Variants in DEFB121 observed in about 807,000 individuals in gnomAD.
DEFB121 encodes defensin beta 121.
DEFB121 carries 5 observed loss-of-function variants against 2.5 expected under a neutral mutation model. That is an observed-to-expected ratio of 1.96 (90% CI 1.03 to 4.13). The LOEUF is 4.13. Among genes scored for constraint, DEFB121 ranks in the 30% most tolerant of loss-of-function variants. DEFB121 has a pLI of 0.00. For missense variants in DEFB121, 87 were observed against 85.0 expected (o/e 1.02, Z -0.09); for synonymous variants, 39 against 32.6 (o/e 1.20, Z -0.67).
exon 1 of DEFB121, chr20:31,412,726 G>A: frequency 3.2e-6 from 4 of 1,234,788 alleles, no homozygotes; most frequent in Admixed American, 2.3e-5. Flanking sequence ...AGGGACATTA[G>A]GATTGGCAGT....
chr20:31,405,200 G>A (rs1055812562), intron 1 of DEFB121, 115 bp from the exon 2 acceptor site: 4 of 993,886 alleles, frequency 4.0e-6, no homozygotes, highest in African/African-American at 3.3e-5. Flanking sequence ...GAGGTCTGTG[G>A]GGAAGAAGCT....
At chr20:31,416,152 T>C (rs141587821), upstream of DEFB121, among the ~76,000 whole-genome samples, 272 of 152,170 alleles carry the variant, frequency 1.8e-3, 5 homozygotes, top group East Asian at 0.047. Context: ...TCTCCACCTC[T>C]GGGGTTCAAG....
upstream of DEFB121, among the ~76,000 whole-genome samples, chr20:31,407,764 G>T (rs559495541): frequency 6.6e-6 from 1 of 152,232 alleles, no homozygotes; most frequent in African/African-American, 2.4e-5. Context: ...TAATGGTAAG[G>T]TCTATCTTTC....
upstream of DEFB121, among the ~76,000 whole-genome samples, chr20:31,415,247 C>CT (rs774007321): frequency 0.082 from 11,512 of 141,038 alleles, 1,156 homozygotes; most frequent in African/African-American, 0.24. Context: ...ATGTACAGTC[C>CT]TTTTTTTTTT....
At chr20:31,417,068 G>A (rs60562029), upstream of DEFB121, among the ~76,000 whole-genome samples, 35,183 of 152,006 alleles carry the variant, frequency 0.23, 4,849 homozygotes, top group African/African-American at 0.36. Flanking sequence ...AAAGAAGGCC[G>A]GGCGCAATGG....
upstream of DEFB121, among the ~76,000 whole-genome samples, chr20:31,410,128 A>G (rs546972962): frequency 8.1e-4 from 124 of 152,372 alleles, no homozygotes; most frequent in African/African-American, 2.8e-3. Flanking sequence ...ACCACTTAAA[A>G]TATATACACA....
chr20:31,416,251 G>C (rs1978801961), upstream of DEFB121, among the ~76,000 whole-genome samples: 1 of 152,090 alleles, frequency 6.6e-6, no homozygotes, highest in South Asian at 2.1e-4. Flanking sequence ...AGTAGAGATG[G>C]GGTTCCACCA....
chr20:31,417,890 GAGA>G, the DEFB121 span, among the ~76,000 whole-genome samples: 20 of 152,168 alleles, frequency 1.3e-4, no homozygotes, highest in African/African-American at 4.3e-4. Context: ...TTGAACCCAG[GAGA>G]AGGAGGTTGC....
upstream of DEFB121, among the ~76,000 whole-genome samples, chr20:31,415,353 G>A (rs571478889): frequency 4.6e-5 from 7 of 151,380 alleles, no homozygotes; most frequent in East Asian, 2.0e-4. Flanking sequence ...AGATTCAAGC[G>A]ATTCTCATGC....
upstream of DEFB121, among the ~76,000 whole-genome samples, chr20:31,410,521 G>C (rs887875122): frequency 6.6e-6 from 1 of 152,168 alleles, no homozygotes; most frequent in Non-Finnish European, 1.5e-5. Context: ...TAATAAATCA[G>C]TAAAATAAAA....
At chr20:31,406,255 G>T, upstream of DEFB121, 1 of 1,523,370 alleles carries the variant, frequency 6.6e-7, no homozygotes, top group Non-Finnish European at 8.8e-7. Flanking sequence ...GCCTTGAGGA[G>T]CATGGCAGAG....
At chr20:31,414,240 A>C (rs1454542745), upstream of DEFB121, among the ~76,000 whole-genome samples, 1 of 151,454 alleles carries the variant, frequency 6.6e-6, no homozygotes, top group Non-Finnish European at 1.5e-5. Context: ...GAAAGAGAGA[A>C]AGGAAGGAAG....
chr20:31,405,034 C>T lies in DEFB121; in HGVS notation c.110G>A (p.Ser37Asn), dbSNP rs1978429569. 1.2e-6 allele frequency: 2 copies of T among 1,611,398 alleles called. No individual in the cohort carries two copies. The highest frequency in any genetic ancestry group is 1.3e-5 in the African/African-American group (1 of 74,754). Residue 37 changes from serine to asparagine, a missense_variant, in exon 2 of 2, where the codon AGT (serine) becomes AAT (asparagine). Ser to Asn is a conservative substitution (Grantham distance 46). Coordinates refer to ENST00000376314, the MANE Select transcript of DEFB121 (RefSeq NM_001011878.3). ...TTTGCATAATATATAGTATACTTCA[C>T]TTTCTTTACATGTTGTTCTGCACCT... Reference protein sequence around the residue: ...SGRCRTTCKESEVYYILCKTE... With the variant: ...SGRCRTTCKENEVYYILCKTE...
At chr20:31,408,613 G>T (rs1978562084), upstream of DEFB121, among the ~76,000 whole-genome samples, 2 of 152,188 alleles carry the variant, frequency 1.3e-5, no homozygotes, top group African/African-American at 4.8e-5. Context: ...ATTACCCACA[G>T]ACAATATATA....
chr20:31,416,308 G>C (rs1054784690), upstream of DEFB121, among the ~76,000 whole-genome samples: 1 of 152,160 alleles, frequency 6.6e-6, no homozygotes, highest in African/African-American at 2.4e-5. Flanking sequence ...TGATTTGCCC[G>C]CTTTGGCCTC....
At chr20:31,410,049 G>A (rs1171534356), upstream of DEFB121, among the ~76,000 whole-genome samples, 1 of 151,954 alleles carries the variant, frequency 6.6e-6, no homozygotes, top group East Asian at 1.9e-4. Flanking sequence ...CCTCAAAAAA[G>A]TTGACTTTAA....
At chr20:31,405,150 A>C in intron 1 of DEFB121, 65 bp from the exon 2 acceptor site, 1 of 1,502,478 alleles carries the variant, frequency 6.7e-7, no homozygotes, top group Non-Finnish European at 8.9e-7. Flanking sequence ...GTGTGAAAGG[A>C]AGAGGCTAAA....
upstream of DEFB121, among the ~76,000 whole-genome samples, chr20:31,409,257 G>C (rs369827650): frequency 6.6e-6 from 1 of 152,138 alleles, no homozygotes; most frequent in East Asian, 1.9e-4. Flanking sequence ...CCTCTCTTTG[G>C]TATTTATCAA....
upstream of DEFB121, among the ~76,000 whole-genome samples, chr20:31,416,499 A>AT (rs1481605024): frequency 6.6e-6 from 1 of 152,154 alleles, no homozygotes; most frequent in African/African-American, 2.4e-5. Flanking sequence ...ATACAGAGCC[A>AT]TTTTTTCTTT....
Sources: allele counts gnomAD v4.1 joint callset (sites outside exome capture counted in the v4.1 genomes callset), GRCh38; gene constraint gnomAD v4.1.1; transcripts MANE v1.5; gene names NCBI Gene and HGNC (gene_info 2026-07-23, HGNC 2026-07-21).